The following RGPD2 variants were observed in gnomAD, a reference collection of about 807,000 sequenced individuals.
RGPD2 encodes RANBP2 like and GRIP domain containing 2.
RGPD2 carries 2 observed loss-of-function variants against 36.0 expected under a neutral mutation model. That is an observed-to-expected ratio of 0.06 (90% CI 0.02 to 0.17). The LOEUF (loss-of-function observed/expected upper bound fraction) is 0.17, where lower values mean the gene tolerates loss of function less well. Ranked by LOEUF, RGPD2 falls within the 10% of genes least tolerant of loss-of-function variation. RGPD2 has a pLI of 1.00. For synonymous variants in RGPD2, 19 were observed against 163.8 expected, an observed-to-expected ratio of 0.12 and a Z score of 6.75; for missense variants, 40 against 464.3, an observed-to-expected ratio of 0.09 and a Z score of 8.40.
the RGPD2 span, among the ~76,000 whole-genome samples, chr2:87,974,481 T>C: frequency 6.6e-6 from 1 of 152,092 alleles, no homozygotes; most frequent in African/African-American, 2.4e-5. Context: ...TCTTTACTGC[T>C]CTGTGACTAT....
the RGPD2 span, among the ~76,000 whole-genome samples, chr2:87,872,327 T>C: frequency 1.3e-5 from 2 of 152,054 alleles, no homozygotes; most frequent in South Asian, 2.1e-4. Flanking sequence ...ATATAACATA[T>C]AACCAAGGGG....
At chr2:87,863,964 T>C in the RGPD2 span, among the ~76,000 whole-genome samples, 5 of 151,970 alleles carry the variant, frequency 3.3e-5, no homozygotes, top group South Asian at 1.0e-3. Context: ...CAGGAGGAAT[T>C]ATGACCATTT....
chr2:87,867,692 T>C, the RGPD2 span, among the ~76,000 whole-genome samples: 1 of 151,904 alleles, frequency 6.6e-6, no homozygotes, highest in Non-Finnish European at 1.5e-5. Flanking sequence ...CCAAGCTTGC[T>C]TCTATTCTTA....
chr2:87,809,149 C>G (rs1454680934), intron 6 of RGPD2, among the ~76,000 whole-genome samples: 1 of 149,810 alleles, frequency 6.7e-6, no homozygotes, highest in South Asian at 2.2e-4. Flanking sequence ...ACTAAAAATA[C>G]AAAAAATTAG....
At chr2:87,985,244 G>A in the RGPD2 span, among the ~76,000 whole-genome samples, 1 of 150,986 alleles carries the variant, frequency 6.6e-6, no homozygotes, top group Non-Finnish European at 1.5e-5. Flanking sequence ...ATAGTACTCG[G>A]CTAAAGTACT....
intron 22 of RGPD2, chr2:87,766,946 G>A (rs1245036217): frequency 6.7e-6 from 1 of 148,274 alleles, no homozygotes; most frequent in Non-Finnish European, 1.5e-5. Context: ...TCAACAAAGT[G>A]TGCAAGCAGA....
At chr2:87,870,539 C>T in the RGPD2 span, among the ~76,000 whole-genome samples, 1 of 152,200 alleles carries the variant, frequency 6.6e-6, no homozygotes, top group Non-Finnish European at 1.5e-5. Context: ...ATTCCCTTTG[C>T]TTCTATCTTT....
chr2:87,763,303 G>A (rs1162026289), intron 22 of RGPD2, among the ~76,000 whole-genome samples: 9 of 149,778 alleles, frequency 6.0e-5, no homozygotes, highest in East Asian at 4.0e-4. Context: ...GACTACAGGC[G>A]CCTGCCAACA....
the RGPD2 span, among the ~76,000 whole-genome samples, chr2:87,920,273 G>C: frequency 6.6e-6 from 1 of 151,884 alleles, no homozygotes; most frequent in African/African-American, 2.4e-5. Flanking sequence ...AAACTCTCAA[G>C]TGGGGAAAAA....
chr2:87,841,991 C>G, the RGPD2 span, among the ~76,000 whole-genome samples: 1 of 144,770 alleles, frequency 6.9e-6, no homozygotes, highest in African/African-American at 2.6e-5. Flanking sequence ...CAGAAAAGGC[C>G]TTTGACAAAA....
the RGPD2 span, among the ~76,000 whole-genome samples, chr2:87,915,489 A>G: frequency 5.0e-5 from 6 of 118,822 alleles, no homozygotes; most frequent in African/African-American, 2.2e-4. Flanking sequence ...ATATGTGTGT[A>G]TATACGTATA....
chr2:87,877,804 C>CAAAAAAAAA, the RGPD2 span, among the ~76,000 whole-genome samples: 205 of 84,434 alleles, frequency 2.4e-3, 2 homozygotes, highest in Non-Finnish European at 2.8e-3. Flanking sequence ...GACTCCGTCT[C>CAAAAAAAAA]AAAAAAAAAA....
chr2:87,927,704 T>C, the RGPD2 span, among the ~76,000 whole-genome samples: 1 of 151,392 alleles, frequency 6.6e-6, no homozygotes, highest in African/African-American at 2.4e-5. Flanking sequence ...AAAACAATTC[T>C]GTCTTTGGAA....
the RGPD2 span, among the ~76,000 whole-genome samples, chr2:87,857,616 C>T: frequency 6.6e-5 from 10 of 151,920 alleles, no homozygotes; most frequent in East Asian, 5.9e-4. Context: ...TGAGCCACCG[C>T]GCCTGGCCCA....
chr2:87,930,890 T>A, the RGPD2 span, among the ~76,000 whole-genome samples: 1 of 145,994 alleles, frequency 6.8e-6, no homozygotes, highest in Non-Finnish European at 1.5e-5. Flanking sequence ...CTCTGGTGGT[T>A]GTTTGTATTT....
chr2:87,881,366 A>T, the RGPD2 span, among the ~76,000 whole-genome samples: 1 of 152,258 alleles, frequency 6.6e-6, no homozygotes, highest in Non-Finnish European at 1.5e-5. Context: ...TTACCTCCAC[A>T]CTGCTCTGTC....
At chr2:87,973,643 G>A in the RGPD2 span, among the ~76,000 whole-genome samples, 19 of 133,700 alleles carry the variant, frequency 1.4e-4, no homozygotes, top group Admixed American at 1.6e-4. Flanking sequence ...CTTTACCCCC[G>A]CAAGACATAC....
At chr2:87,988,014 A>G in the RGPD2 span, among the ~76,000 whole-genome samples, 1 of 151,868 alleles carries the variant, frequency 6.6e-6, no homozygotes, top group African/African-American at 2.4e-5. Flanking sequence ...AGGAATCTCT[A>G]TAGCAACTTG....
At chr2:87,983,862 G>T in the RGPD2 span, among the ~76,000 whole-genome samples, 1 of 152,216 alleles carries the variant, frequency 6.6e-6, no homozygotes, top group Admixed American at 6.5e-5. Context: ...TGAGGCCAAT[G>T]TGGCTGGGAT....
Sources: allele counts gnomAD v4.1 joint callset (sites outside exome capture counted in the v4.1 genomes callset), GRCh38; gene constraint gnomAD v4.1.1; transcripts MANE v1.5; gene names NCBI Gene and HGNC (gene_info 2026-07-23, HGNC 2026-07-21).